BPIFC: variants seen among roughly 807,000 people sequenced by gnomAD.
BPIFC encodes the protein BPI fold-containing family C protein.
In BPIFC, 60 loss-of-function variants were observed where a neutral mutation model predicts 57.6. The ratio of observed to expected loss-of-function variants is 1.04; its 90% CI spans 0.85 to 1.29. The LOEUF is 1.29. Ranked by LOEUF, BPIFC falls within the 50% of genes most tolerant of loss-of-function variation. The pLI is 0.00. For missense variants in BPIFC, 581 were observed against 600.5 expected (o/e 0.97, Z 0.34); for synonymous variants, 243 against 224.5 (o/e 1.08, Z -0.74).
chr22:32,450,184 T>C (rs1307916827), intron 4 of BPIFC, among the ~76,000 whole-genome samples: 1 of 151,980 alleles, frequency 6.6e-6, no homozygotes, highest in East Asian at 1.9e-4. Context: ...GATTATATAC[T>C]GTATTTTTAC....
intron 11 of BPIFC, 31 bp downstream of exon 11, chr22:32,433,688 C>A: frequency 6.2e-7 from 1 of 1,604,968 alleles, no homozygotes. Context: ...GAGCCAAATA[C>A]ACTATCAAGA....
chr22:32,457,499 T>C (rs1021307268), intron 2 of BPIFC, 113 bp from the exon 3 acceptor site: 8 of 1,220,704 alleles, frequency 6.6e-6, no homozygotes, highest in Non-Finnish European at 6.9e-6. Flanking sequence ...CAGAACTCAA[T>C]ACATCCATCC....
chr22:32,425,300 T>C (rs1243701706), intron 13 of BPIFC, among the ~76,000 whole-genome samples: 1 of 152,162 alleles, frequency 6.6e-6, no homozygotes, highest in Non-Finnish European at 1.5e-5. Flanking sequence ...CTACTGACAT[T>C]TATTGAGCAC....
At chr22:32,446,858 T>C (rs890696644) in intron 5 of BPIFC, 4 of 940,380 alleles carry the variant, frequency 4.3e-6, no homozygotes, top group Non-Finnish European at 5.1e-6. Flanking sequence ...CACTTACTCC[T>C]GCAGATGGGG....
intron 8 of BPIFC, 68 bp from the exon 9 acceptor site, chr22:32,437,919 G>A: frequency 2.3e-6 from 2 of 878,772 alleles, no homozygotes; most frequent in East Asian, 2.6e-5. Context: ...TATGAATGAT[G>A]TCTATCTAGA....
At chr22:32,445,384 A>AG (rs2145949645) in intron 7 of BPIFC, among the ~76,000 whole-genome samples, 1 of 152,196 alleles carries the variant, frequency 6.6e-6, no homozygotes, top group Non-Finnish European at 1.5e-5. Context: ...AAAAATACAA[A>AG]AAATTAGCCG....
At chr22:32,457,540 T>TCCAA (rs1935067539) in intron 2 of BPIFC, among the ~76,000 whole-genome samples, 154 bp from the exon 3 acceptor site, 3 of 147,226 alleles carry the variant, frequency 2.0e-5, no homozygotes, top group African/African-American at 7.9e-5. Context: ...CATCCATCCA[T>TCCAA]CCATCCAACC....
intron 2 of BPIFC, among the ~76,000 whole-genome samples, chr22:32,459,663 C>T (rs1038558544): frequency 8.7e-5 from 13 of 149,614 alleles, no homozygotes; most frequent in Non-Finnish European, 1.8e-4. Flanking sequence ...ACTCCATTTC[C>T]AAAAATAAAA....
At chr22:32,428,435 C>G (rs1601452475) in intron 13 of BPIFC, among the ~76,000 whole-genome samples, 1 of 151,920 alleles carries the variant, frequency 6.6e-6, no homozygotes, top group Non-Finnish European at 1.5e-5. Context: ...TGCCCGGCCT[C>G]TCATGGGCTT....
At chr22:32,416,922 A>G (rs1441205425) in intron 15 of BPIFC, among the ~76,000 whole-genome samples, 163 bp downstream of exon 15, 1 of 152,216 alleles carries the variant, frequency 6.6e-6, no homozygotes, top group Non-Finnish European at 1.5e-5. Flanking sequence ...CACAGCATTG[A>G]TGGTACAAAC....
intron 8 of BPIFC, among the ~76,000 whole-genome samples, chr22:32,439,433 G>T (rs1250670549): frequency 6.6e-6 from 1 of 152,054 alleles, no homozygotes; most frequent in Admixed American, 6.6e-5. Flanking sequence ...CTGCTTTCCT[G>T]ACCACCATTA....
intron 8 of BPIFC, among the ~76,000 whole-genome samples, chr22:32,441,774 G>A (rs746731232): frequency 5.3e-5 from 8 of 152,234 alleles, no homozygotes; most frequent in African/African-American, 1.7e-4. Flanking sequence ...TTAAAGCAGC[G>A]GTCCTCAACC....
intron 13 of BPIFC, among the ~76,000 whole-genome samples, chr22:32,427,271 C>T (rs1439359709): frequency 1.3e-5 from 2 of 152,158 alleles, no homozygotes; most frequent in Non-Finnish European, 2.9e-5. Flanking sequence ...ATTATAGAAA[C>T]ATTAGAGATA....
intron 13 of BPIFC, among the ~76,000 whole-genome samples, chr22:32,424,669 T>TTC (rs1569448026): frequency 1.6e-5 from 1 of 63,328 alleles, no homozygotes; most frequent in Non-Finnish European, 2.8e-5. Flanking sequence ...CTTCTTCTTC[T>TTC]TCTTCTTCTT....
intron 10 of BPIFC, among the ~76,000 whole-genome samples, chr22:32,434,589 A>G: frequency 6.6e-6 from 1 of 151,916 alleles, no homozygotes; most frequent in East Asian, 1.9e-4. Context: ...ATGTATACAT[A>G]TTCTACAGTC....
intron 11 of BPIFC, among the ~76,000 whole-genome samples, chr22:32,433,162 C>T (rs1040486380): frequency 6.6e-6 from 1 of 152,192 alleles, no homozygotes; most frequent in African/African-American, 2.4e-5. Flanking sequence ...AAGATCGTGC[C>T]ACTGCACTCC....
At chr22:32,452,909 G>T (rs555156595) in intron 4 of BPIFC, among the ~76,000 whole-genome samples, 100 of 152,260 alleles carry the variant, frequency 6.6e-4, no homozygotes, top group African/African-American at 2.3e-3. Context: ...GGAGACTATG[G>T]CAGAGATTGT....
chr22:32,436,030 G>GATTAT, intron 9 of BPIFC, 150 bp from the exon 10 acceptor site: 2 of 799,852 alleles, frequency 2.5e-6, no homozygotes, highest in Non-Finnish European at 3.8e-6. Flanking sequence ...AACACTTTGG[G>GATTAT]AGGCTGAGGC....
intron 11 of BPIFC, 51 bp from the exon 12 acceptor site, chr22:32,432,594 A>G (rs1934281579): frequency 7.6e-6 from 12 of 1,576,948 alleles, no homozygotes; most frequent in Non-Finnish European, 1.0e-5. Flanking sequence ...GAGTTGGTGA[A>G]GGGAGATCAC....
Sources: allele counts gnomAD v4.1 joint callset (sites outside exome capture counted in the v4.1 genomes callset), GRCh38; gene constraint gnomAD v4.1.1; transcripts MANE v1.5; gene names NCBI Gene and HGNC (gene_info 2026-07-23, HGNC 2026-07-21).